Variants in ATP2B4 observed in about 807,000 individuals in gnomAD.
ATP2B4 encodes ATPase plasma membrane Ca2+ transporting 4.
ATP2B4 carries 39 observed loss-of-function variants against 110.3 expected under a neutral mutation model. The ratio of observed to expected loss-of-function variants is 0.35; its 90% CI spans 0.27 to 0.46. The LOEUF is 0.46. Ranked by LOEUF, ATP2B4 falls within the 20% of genes least tolerant of loss-of-function variation. The pLI, the probability that ATP2B4 is intolerant of heterozygous loss-of-function variation, is 1.00. For synonymous variants in ATP2B4, 538 were observed against 571.7 expected (o/e 0.94, Z 0.84); for missense variants, 1,135 against 1,530.9 (o/e 0.74, Z 4.32).
At chr1:203,692,833 G>A (rs140231703) in intron 2 of ATP2B4, among the ~76,000 whole-genome samples, 12 of 152,304 alleles carry the variant, frequency 7.9e-5, no homozygotes, top group Middle Eastern at 6.8e-3. Context: ...TTCCACTGCT[G>A]TTTATTCTAT....
chr1:203,640,540 G>A (rs1352714809), intron 1 of ATP2B4, among the ~76,000 whole-genome samples: 3 of 151,958 alleles, frequency 2.0e-5, no homozygotes, highest in Non-Finnish European at 4.4e-5. Flanking sequence ...GCCCAGGCTG[G>A]TCTCAAACTC....
chr1:203,728,629 G>A (rs1309728529), intron 20 of ATP2B4, among the ~76,000 whole-genome samples: 58 of 150,168 alleles, frequency 3.9e-4, no homozygotes, highest in Non-Finnish European at 3.0e-5. Flanking sequence ...AGGCCAAGGT[G>A]GGTGGATCAC....
intron 1 of ATP2B4, chr1:203,657,150 CT>C: frequency 1.2e-6 from 1 of 830,262 alleles, no homozygotes; most frequent in Non-Finnish European, 2.1e-6. Context: ...AGGGATTCTT[CT>C]TTACACCAAG....
intron 1 of ATP2B4, among the ~76,000 whole-genome samples, chr1:203,650,292 G>A (rs1274875527): frequency 3.3e-5 from 5 of 152,324 alleles, no homozygotes; most frequent in African/African-American, 9.6e-5. Flanking sequence ...GTTTCAGGGA[G>A]GCCAGGTGAG....
intron 13 of ATP2B4, 134 bp downstream of exon 13, chr1:203,712,273 T>A: frequency 9.5e-7 from 1 of 1,057,268 alleles, no homozygotes; most frequent in Non-Finnish European, 1.3e-6. Flanking sequence ...AACATCTCCT[T>A]GTACCAAACT....
rs779048789 is a variant in ATP2B4 at position 203,686,685 on chromosome 1, C to CTTTTTTTTTTTTTTTTTTTTT, written c.193+3293_193+3313dup. On this transcript the variant is annotated intron_variant, in intron 2 of 20. Coordinates refer to ENST00000357681, the MANE Select transcript of ATP2B4 (RefSeq NM_001684.5). ...CCTGGTGTTTTTCTTTCTTTTCTTT[C>CTTTTTTTTTTTTTTTTTTTTT]TTTTTTTTTTTTTTTTTTTTTTTTT... is the stretch of plus-strand genomic sequence containing the variant. Among the ~76,000 whole-genome samples, 20 of 42,782 alleles carry CTTTTTTTTTTTTTTTTTTTTT rather than the reference C, an allele frequency of 4.7e-4. 2 individuals carry two copies. In the East Asian group the frequency reaches 6.5e-3, roughly 14 times the overall value. 28.1% of individuals were successfully genotyped at this position (42,782 alleles called of 152,430 possible).
At chr1:203,654,973 A>G (rs759455956) in intron 1 of ATP2B4, among the ~76,000 whole-genome samples, 1 of 152,164 alleles carries the variant, frequency 6.6e-6, no homozygotes, top group Non-Finnish European at 1.5e-5. Context: ...GTTTGGAAGA[A>G]GTTGATTCCA....
chr1:203,669,856 G>T (rs868469131), intron 1 of ATP2B4, among the ~76,000 whole-genome samples: 3 of 152,176 alleles, frequency 2.0e-5, no homozygotes, highest in South Asian at 2.1e-4. Flanking sequence ...GCTGAGGTTG[G>T]GATAGAGAGG....
At chr1:203,702,013 G>C (rs369976577) in intron 6 of ATP2B4, 31 bp from the exon 7 acceptor site, 1 of 1,613,458 alleles carries the variant, frequency 6.2e-7, no homozygotes, top group Admixed American at 1.7e-5. Flanking sequence ...TTTGGGTTTC[G>C]ACCCCACTTT....
At chr1:203,633,713 G>A (rs1571661363) in intron 1 of ATP2B4, among the ~76,000 whole-genome samples, 1 of 144,376 alleles carries the variant, frequency 6.9e-6, no homozygotes, top group South Asian at 2.2e-4. Flanking sequence ...CTCCATATCA[G>A]ATAAATAAAT....
intron 1 of ATP2B4, among the ~76,000 whole-genome samples, chr1:203,661,759 G>T (rs779625396): frequency 6.6e-6 from 1 of 151,994 alleles, no homozygotes; most frequent in Non-Finnish European, 1.5e-5. Context: ...TTGATGTTGT[G>T]CCAGGCTCTG....
chr1:203,681,248 T>C (rs960023623), intron 1 of ATP2B4, among the ~76,000 whole-genome samples: 1 of 152,140 alleles, frequency 6.6e-6, no homozygotes, highest in African/African-American at 2.4e-5. Context: ...GGGAGGAGTA[T>C]AAATCAACCT....
chr1:203,692,636 C>G (rs1665416244), intron 2 of ATP2B4, among the ~76,000 whole-genome samples: 1 of 152,204 alleles, frequency 6.6e-6, no homozygotes. Context: ...TGTCATAACT[C>G]AGACAGCTGG....
intron 1 of ATP2B4, among the ~76,000 whole-genome samples, chr1:203,639,169 G>A (rs1663552610): frequency 6.6e-6 from 1 of 152,214 alleles, no homozygotes; most frequent in Non-Finnish European, 1.5e-5. Flanking sequence ...AGCTGACTAA[G>A]TCAGGTTGGC....
chr1:203,736,875 T>G (rs939070868), intron 20 of ATP2B4, among the ~76,000 whole-genome samples: 4 of 152,102 alleles, frequency 2.6e-5, no homozygotes, highest in African/African-American at 4.8e-5. Context: ...AGTGCTGGAG[T>G]TGGGGCATCC....
intron 1 of ATP2B4, among the ~76,000 whole-genome samples, chr1:203,650,973 T>C (rs1175327001): frequency 2.6e-5 from 4 of 152,216 alleles, no homozygotes; most frequent in African/African-American, 7.2e-5. Flanking sequence ...GGGGTCTCAC[T>C]GTGTTGCCCA....
At chr1:203,727,815 G>A (rs11240291) in intron 20 of ATP2B4, 12 of 492,408 alleles carry the variant, frequency 2.4e-5, no homozygotes, top group Non-Finnish European at 4.0e-5. Context: ...TTTAGCTCTG[G>A]GTTGACCCTA....
chr1:203,713,847 C>T (rs563900143), intron 14 of ATP2B4, among the ~76,000 whole-genome samples: 4 of 152,198 alleles, frequency 2.6e-5, no homozygotes, highest in African/African-American at 7.2e-5. Context: ...TCCCATTTTA[C>T]AAATGAGGAA....
In ATP2B4 at chr1:203,700,825, G is replaced by A. The variant is rs759107186; in HGVS notation, c.803G>A (p.Arg268Gln). 34 of 1,613,042 alleles carry A rather than the reference G, an allele frequency of 2.1e-5. No individual in the cohort carries two copies. Among genetic ancestry groups the A allele is most frequent in the East Asian group, 4.5e-5 (2 of 44,822 alleles). ...ACCCATGTCATGGAAGGTTCTGGCC[G>A]GATGGTGGTGACAGCTGTTGGTGTC... is the stretch of plus-strand genomic sequence containing the variant. ...SGTHVMEGSG[R>Q]MVVTAVGVNS... The change falls in exon 6 of 21, where the codon CGG becomes CAG. Residue 268 changes from arginine to glutamine, a missense_variant. By Grantham distance (43) the Arg-to-Gln change is conservative. Around this residue, in one of 9 missense-constraint regions of ATP2B4, gnomAD observed 162 missense variants for 210.5 expected, o/e 0.77. Transcript: ENST00000357681.
Sources: allele counts gnomAD v4.1 joint callset (sites outside exome capture counted in the v4.1 genomes callset), GRCh38; gene constraint gnomAD v4.1.1; regional missense constraint gnomAD v4.1.1; transcripts MANE v1.5; gene names NCBI Gene and HGNC (gene_info 2026-07-23, HGNC 2026-07-21).